Variants in SLC66A2 observed in about 807,000 individuals in gnomAD.
SLC66A2 encodes the protein solute carrier family 66 member 2.
SLC66A2 carries 23 observed loss-of-function variants against 25.5 expected under a neutral mutation model. The observed-to-expected ratio is 0.90, with a 90% CI of 0.65 to 1.28. The LOEUF (loss-of-function observed/expected upper bound fraction) is 1.28. SLC66A2 is among the 50% of genes most tolerant of loss of function. SLC66A2 has a pLI of 0.00. For synonymous variants in SLC66A2, 193 were observed against 166.5 expected, an observed-to-expected ratio of 1.16 and a Z score of -1.23; for missense variants, 396 against 373.1, an observed-to-expected ratio of 1.06 and a Z score of -0.51.
chr18:79,903,320 C>T lies in SLC66A2; in HGVS notation c.*656G>A, dbSNP rs1981505714. ...GCAGCATGAGCTAGCCCTGGCGATGCTCAGCCGGGCTGGACACAGCGGATC... is the reference window on the plus strand; with the variant it reads ...GCAGCATGAGCTAGCCCTGGCGATGTTCAGCCGGGCTGGACACAGCGGATC... On this transcript the variant is annotated 3_prime_UTR_variant, in exon 6 of 6. Coordinates refer to ENST00000397778, the MANE Select transcript of SLC66A2 (RefSeq NM_025078.5). 1.3e-5 allele frequency: 2 copies of T among 152,384 alleles called. No individual in the cohort carries two copies. Among genetic ancestry groups the T allele is most frequent in the Admixed American group, 6.5e-5 (1 of 15,294 alleles). The allele number at this position is 152,384 out of a possible 1,614,324, so 9.4% of individuals were successfully genotyped here.
Position 79,904,112 on chromosome 18 carries a change from G to A in SLC66A2, c.680C>T (p.Pro227Leu), listed in dbSNP as rs1981646320. The change falls in exon 6 of 6, where the codon CCT becomes CTT. Residue 227 changes from proline (P) to leucine (L), a missense_variant. Physicochemically the swap from Pro to Leu is moderately conservative, Grantham distance 98 (BLOSUM62 -3). Coordinates refer to ENST00000397778, the MANE Select transcript of SLC66A2 (RefSeq NM_025078.5). The surrounding 1 kb of genome is among the most constrained non-coding windows in gnomAD (Gnocchi z 6.3). ...CAGGCCGCACACGGAGAACTGCAGA[G>A]GGGCACCCTTCAGCAGGAAGTAGGC... is the stretch of plus-strand genomic sequence containing the variant. ...KTAYFLLKGA[P>L]LQFSVCGLLQ... 3 of 1,612,892 alleles carry A rather than the reference G, an allele frequency of 1.9e-6. No individual in the cohort carries two copies. Among genetic ancestry groups the A allele is most frequent in the South Asian group, 1.1e-5 (1 of 91,088 alleles).
rs1185566221 is a variant in SLC66A2 at position 79,918,162 on chromosome 18, C to G, written c.608+1022G>C. Among the ~76,000 whole-genome samples, 1 of 152,200 alleles carries G rather than the reference C, an allele frequency of 6.6e-6. No individual in the cohort carries two copies. The highest frequency in any genetic ancestry group is 1.5e-5 in the Non-Finnish European group (1 of 68,030). On this transcript the variant is annotated intron_variant, in intron 5 of 5. Coordinates refer to ENST00000397778, the MANE Select transcript of SLC66A2 (RefSeq NM_025078.5). This position sits in a 1 kb window ranked among gnomAD's most constrained non-coding sequence, Gnocchi z 4.0. ...CTCACACCTCTGCCCACACGCCAAACCTGCAAATACTCAGAGGTCTCTGAA... is the reference window on the plus strand; with the variant it reads ...CTCACACCTCTGCCCACACGCCAAAGCTGCAAATACTCAGAGGTCTCTGAA...
At chr18:79,925,113 T>C (rs571566479) in intron 4 of SLC66A2, 1 of 152,246 alleles carries the variant, frequency 6.6e-6, no homozygotes, top group South Asian at 2.1e-4. Context: ...CAGGAGATTT[T>C]CATTAATAGT....
intron 5 of SLC66A2, among the ~76,000 whole-genome samples, chr18:79,906,094 G>T (rs1982091733): frequency 6.6e-6 from 1 of 152,192 alleles, no homozygotes; most frequent in Non-Finnish European, 1.5e-5. Context: ...TGCCTGTGGG[G>T]TCTACAGAAT....
At chr18:79,947,654 TG>T (rs1180856518) in intron 2 of SLC66A2, among the ~76,000 whole-genome samples, 1 of 4,282 alleles carries the variant, frequency 2.3e-4, no homozygotes, top group Non-Finnish European at 1.2e-3. Flanking sequence ...TCTGCTCTCC[TG>T]CTCCCACCAC....
chr18:79,907,674 G>A (rs181164652), intron 5 of SLC66A2, among the ~76,000 whole-genome samples: 11 of 152,110 alleles, frequency 7.2e-5, no homozygotes, highest in Non-Finnish European at 1.5e-4. Context: ...TAGTGCTCTA[G>A]GGCATTGGTT....
chr18:79,946,591 C>T (rs1325746436), intron 2 of SLC66A2, among the ~76,000 whole-genome samples: 1 of 152,148 alleles, frequency 6.6e-6, no homozygotes, highest in African/African-American at 2.4e-5. Context: ...GGTGCCCATC[C>T]ACAGGGAGAG....
At chr18:79,908,744 C>T (rs1436294230) in intron 5 of SLC66A2, among the ~76,000 whole-genome samples, 2 of 152,172 alleles carry the variant, frequency 1.3e-5, no homozygotes, top group Non-Finnish European at 2.9e-5. Context: ...AATGATCTGC[C>T]TTCAACTTCA....
chr18:79,918,766 G>A lies in SLC66A2; in HGVS notation c.608+418C>T, dbSNP rs1568306005. Among the ~76,000 whole-genome samples the A allele has an allele frequency of 6.6e-6, 1 of 152,222 alleles. No homozygotes were observed. On this transcript the variant is annotated intron_variant, in intron 5 of 5. Coordinates refer to ENST00000397778, the MANE Select transcript of SLC66A2 (RefSeq NM_025078.5). This position sits in a 1 kb window ranked among gnomAD's most constrained non-coding sequence, Gnocchi z 4.0. ...CCTCAGAGGCCGGAGGCCGTGCTGG[G>A]GCCAGTGGGGAAAGACCGAGGACAG...
chr18:79,951,322 G>A (rs1415713674), intron 1 of SLC66A2, among the ~76,000 whole-genome samples: 2 of 151,708 alleles, frequency 1.3e-5, no homozygotes, highest in Non-Finnish European at 2.9e-5. Context: ...GGATGGGGTG[G>A]GGGAGGGGGC....
intron 2 of SLC66A2, among the ~76,000 whole-genome samples, chr18:79,947,510 G>A (rs1056997889): frequency 1.6e-3 from 31 of 19,308 alleles, no homozygotes; most frequent in African/African-American, 3.0e-3. Context: ...AACAGCTTTG[G>A]AGGCGTGAAG....
chr18:79,907,350 G>GTT (rs1365306799), intron 5 of SLC66A2, among the ~76,000 whole-genome samples: 1 of 85,724 alleles, frequency 1.2e-5, no homozygotes, highest in Non-Finnish European at 2.4e-5. Context: ...TTTTTTTTTG[G>GTT]TTGTTTTTTT....
intron 2 of SLC66A2, among the ~76,000 whole-genome samples, chr18:79,946,067 A>G (rs1374638312): frequency 2.0e-5 from 3 of 152,238 alleles, no homozygotes; most frequent in Admixed American, 6.5e-5. Flanking sequence ...AACAGAAGCA[A>G]TGAATGACGA....
chr18:79,909,572 C>T (rs1422079641), intron 5 of SLC66A2, among the ~76,000 whole-genome samples: 6 of 144,644 alleles, frequency 4.1e-5, no homozygotes, highest in African/African-American at 1.6e-4. Flanking sequence ...GAGTCCCCAG[C>T]CTTCCCCACC....
chr18:79,935,654 A>T lies in SLC66A2; in HGVS notation c.338-1632T>A, dbSNP rs1599622418. Among the ~76,000 whole-genome samples the T allele has an allele frequency of 2.6e-5, 4 of 152,298 alleles. No homozygotes were observed. The South Asian group carries it at 8.3e-4, about 32-fold the overall frequency. ...AGATACAGCTTCCACCTGCTTTCTC[A>T]GGTAGCTCCCCCTTGGGACCTGGCC... On this transcript the variant is annotated intron_variant, in intron 3 of 5. Coordinates refer to ENST00000397778, the MANE Select transcript of SLC66A2 (RefSeq NM_025078.5).
At chr18:79,916,242 CG>C (rs1984115253) in intron 5 of SLC66A2, among the ~76,000 whole-genome samples, 1 of 108,518 alleles carries the variant, frequency 9.2e-6, no homozygotes. Context: ...CTCCCGTACC[CG>C]TGGTGCTCTC....
rs957265025 is a variant in SLC66A2 at position 79,940,979 on chromosome 18, G to A, written c.337+2350C>T. ...CACCCAGGCTGACCCCAGGAGCCCG[G>A]CCCCCTACCCCTCGTGGCGGCCCTG... On this transcript the variant is annotated intron_variant, in intron 3 of 5. Coordinates refer to ENST00000397778, the MANE Select transcript of SLC66A2 (RefSeq NM_025078.5). The surrounding 1 kb of genome is among the most constrained non-coding windows in gnomAD (Gnocchi z 4.1). 6.6e-6 allele frequency among the ~76,000 whole-genome samples: 1 copy of A among 152,010 alleles called. No individual in the cohort carries two copies.
intron 2 of SLC66A2, among the ~76,000 whole-genome samples, chr18:79,947,595 T>TCCCCCC: frequency 7.0e-6 from 1 of 142,330 alleles, no homozygotes; most frequent in African/African-American, 2.6e-5. Flanking sequence ...ACCTCTGCTC[T>TCCCCCC]CTGCCCCCAC....
intron 5 of SLC66A2, among the ~76,000 whole-genome samples, chr18:79,910,482 A>C (rs1323720142): frequency 7.2e-6 from 1 of 139,646 alleles, no homozygotes; most frequent in African/African-American, 2.7e-5. Flanking sequence ...ACCATCTCAC[A>C]ACAGAGTCCC....
Sources: gnomAD v4.1 joint callset for allele counts (sites outside exome capture counted in the v4.1 genomes callset) on GRCh38, gnomAD v4.1.1 for gene constraint, Gnocchi (gnomAD v3.1) non-coding constraint, MANE v1.5 for transcripts, NCBI Gene and HGNC (gene_info 2026-07-23, HGNC 2026-07-21) for gene names.